Variants in GLI3 observed in about 807,000 individuals in gnomAD.
The protein encoded by GLI3 is transcription activator GLI3.
In GLI3, 20 loss-of-function variants were observed where a neutral mutation model predicts 100.8. The ratio of observed to expected loss-of-function variants is 0.20; its 90% confidence interval spans 0.14 to 0.29. The LOEUF is 0.29. Ranked by LOEUF, GLI3 falls within the 10% of genes least tolerant of loss-of-function variation. The pLI is 1.00. For missense variants in GLI3, 2,040 were observed against 2,128.5 expected (o/e 0.96, Z 0.82); for synonymous variants, 938 against 860.5 (o/e 1.09, Z -1.58).
chr7:42,169,821 A>G lies in GLI3; in HGVS notation c.125-21353T>C, dbSNP rs370400467. ...TGCCAAAATGTTAGCAGTGATGGTTATCTGTGAGAAGTCAATTACTTCTTA... is the reference window on the plus strand; with the variant it reads ...TGCCAAAATGTTAGCAGTGATGGTTGTCTGTGAGAAGTCAATTACTTCTTA... On this transcript the variant is annotated intron_variant, in intron 2 of 14. Transcript: ENST00000395925. 2.6e-5 allele frequency among the ~76,000 whole-genome samples: 4 copies of G among 152,312 alleles called. No individual in the cohort carries two copies. The East Asian group carries it at 5.8e-4, about 22-fold the overall frequency.
At chr7:42,049,145 A>AAGAAC (rs1171501242) in intron 4 of GLI3, among the ~76,000 whole-genome samples, 5 of 152,244 alleles carry the variant, frequency 3.3e-5, no homozygotes, top group Non-Finnish European at 5.9e-5. Context: ...AGGGAAAGAA[A>AAGAAC]AGAACAGAAC....
At chr7:41,999,729 T>A (rs968839132) in intron 10 of GLI3, among the ~76,000 whole-genome samples, 4 of 152,208 alleles carry the variant, frequency 2.6e-5, no homozygotes, top group African/African-American at 9.6e-5. Flanking sequence ...GAGTCTATCC[T>A]CTGTTTGGTG....
At chr7:42,125,381 A>G (rs1367360151) in intron 3 of GLI3, among the ~76,000 whole-genome samples, 1 of 152,232 alleles carries the variant, frequency 6.6e-6, no homozygotes, top group African/African-American at 2.4e-5. Context: ...GGAGGAAGGC[A>G]GTCATCTGCT....
At chr7:42,245,424 C>T (rs1314235088) in intron 1 of GLI3, among the ~76,000 whole-genome samples, 1 of 152,164 alleles carries the variant, frequency 6.6e-6, no homozygotes, top group African/African-American at 2.4e-5. Context: ...TGCCTGTAAT[C>T]CCAGGCTTAC....
At chr7:42,114,903 T>C (rs1785810749) in intron 3 of GLI3, among the ~76,000 whole-genome samples, 2 of 151,818 alleles carry the variant, frequency 1.3e-5, no homozygotes. Flanking sequence ...GGTTTCACCA[T>C]GTTAGCCAGG....
intron 10 of GLI3, among the ~76,000 whole-genome samples, chr7:41,984,976 T>C (rs769014629): frequency 3.9e-4 from 59 of 152,342 alleles, no homozygotes; most frequent in Admixed American, 1.4e-3. Flanking sequence ...ATGGCCTTCA[T>C]AGAAAATAGA....
rs539064702 is a variant in GLI3, at chr7:42,140,697, T to A, written c.367+7529A>T. 8.5e-5 allele frequency among the ~76,000 whole-genome samples: 13 copies of A among 152,246 alleles called. No homozygotes were observed. In the South Asian group the frequency reaches 2.7e-3, roughly 32 times the overall value. ...ACAGAGAAAAATCAAGCCCTTTCCCTAAGAACTATGAAGATACAGCACAAA... is the reference window on the plus strand; with the variant it reads ...ACAGAGAAAAATCAAGCCCTTTCCCAAAGAACTATGAAGATACAGCACAAA... On this transcript the variant is annotated intron_variant, in intron 3 of 14. Transcript: ENST00000395925.
chr7:41,991,446 T>C (rs961522784), intron 10 of GLI3, among the ~76,000 whole-genome samples: 2 of 152,168 alleles, frequency 1.3e-5, no homozygotes, highest in East Asian at 1.9e-4. Context: ...AGTACCCTCC[T>C]AAACATCTTG....
chr7:42,206,254 C>T (rs189991478), intron 2 of GLI3, among the ~76,000 whole-genome samples: 22 of 151,526 alleles, frequency 1.5e-4, no homozygotes, highest in Admixed American at 3.3e-4. Flanking sequence ...GGCAACAGAA[C>T]GAGACCCCAT....
chr7:42,113,515 G>GA (rs1195985889), intron 3 of GLI3: 10 of 1,133,530 alleles, frequency 8.8e-6, no homozygotes, highest in African/African-American at 6.1e-5. Flanking sequence ...TACCCAAAGG[G>GA]AAAAAGGGAA....
upstream of GLI3, among the ~76,000 whole-genome samples, chr7:42,239,434 T>C (rs186267188): frequency 2.0e-4 from 30 of 151,964 alleles, no homozygotes; most frequent in African/African-American, 6.5e-4. Flanking sequence ...TGAAGAGAAT[T>C]GCAAGCCACT....
At chr7:42,124,518 C>A (rs1000207046) in intron 3 of GLI3, among the ~76,000 whole-genome samples, 9 of 152,280 alleles carry the variant, frequency 5.9e-5, no homozygotes, top group Middle Eastern at 3.4e-3. Context: ...CAGAAAGTTA[C>A]CCTGAACCAC....
At chr7:42,251,585 G>A (rs1789033023) in intron 1 of GLI3, among the ~76,000 whole-genome samples, 1 of 152,142 alleles carries the variant, frequency 6.6e-6, no homozygotes, top group Non-Finnish European at 1.5e-5. Context: ...AGGATAAGGA[G>A]AGCAGAGAGA....
At chr7:42,204,652 C>A (rs564935531) in intron 2 of GLI3, among the ~76,000 whole-genome samples, 1 of 152,234 alleles carries the variant, frequency 6.6e-6, no homozygotes, top group South Asian at 2.1e-4. Context: ...CTTATAACTG[C>A]AAAGGAGTTC....
In GLI3 at chr7:41,978,328, C is replaced by T. The variant is rs1048008727; in HGVS notation, c.1647+271G>A. Among the ~76,000 whole-genome samples the T allele has an allele frequency of 5.3e-5, 8 of 152,312 alleles. No individual in the cohort carries two copies. The South Asian group carries it at 1.7e-3, about 32-fold the overall frequency. On this transcript the variant is annotated intron_variant, in intron 11 of 14. Transcript: ENST00000395925. ...TGGCACTTCCCTTTGCCTTCCAAGCCCCGTGGTACCATAAGCTGTTGGGCT... is the reference window on the plus strand; with the variant it reads ...TGGCACTTCCCTTTGCCTTCCAAGCTCCGTGGTACCATAAGCTGTTGGGCT...
At chr7:42,075,338 T>C (rs1179778863) in intron 4 of GLI3, among the ~76,000 whole-genome samples, 1 of 152,178 alleles carries the variant, frequency 6.6e-6, no homozygotes, top group Non-Finnish European at 1.5e-5. Context: ...TGGGAGGAAT[T>C]AGCCATCCAT....
chr7:42,132,323 A>G (rs61065853), intron 3 of GLI3, among the ~76,000 whole-genome samples: 14,062 of 151,784 alleles, frequency 0.093, 1,290 homozygotes, highest in African/African-American at 0.24. Context: ...GATGGTCTCG[A>G]TCTCCTGACC....
chr7:42,033,867 A>T (rs898511188), intron 7 of GLI3, among the ~76,000 whole-genome samples: 1 of 152,250 alleles, frequency 6.6e-6, no homozygotes, highest in Admixed American at 6.5e-5. Flanking sequence ...GGGCAAGTTT[A>T]TTGGAAACCC....
chr7:42,021,703 T>C (rs1320333267), intron 10 of GLI3, among the ~76,000 whole-genome samples: 10 of 152,216 alleles, frequency 6.6e-5, no homozygotes, highest in African/African-American at 1.9e-4. Flanking sequence ...CAACATTCCT[T>C]GCAAACTACA....
Sources: gnomAD v4.1 joint callset for allele counts (sites outside exome capture counted in the v4.1 genomes callset) on GRCh38, gnomAD v4.1.1 for gene constraint, MANE v1.5 for transcripts, NCBI Gene and HGNC (gene_info 2026-07-23, HGNC 2026-07-21) for gene names.